Variants in OR51B5 observed in about 807,000 individuals in gnomAD.
OR51B5 encodes olfactory receptor 51B5.
For synonymous variants in OR51B5, 186 were observed against 144.8 expected (o/e 1.28, Z -2.04); for missense variants, 456 against 374.6 (o/e 1.22, Z -1.79).
chr11:5,454,518 G>C, intron 1 of OR51B5: 1 of 1,110,442 alleles, frequency 9.0e-7, no homozygotes, highest in Middle Eastern at 2.1e-4. Flanking sequence ...AAGATAGATT[G>C]TGTGCTGCGG....
chr11:5,438,205 T>C (rs1003929507), intron 1 of OR51B5, among the ~76,000 whole-genome samples: 1 of 152,132 alleles, frequency 6.6e-6, no homozygotes, highest in Non-Finnish European at 1.5e-5. Flanking sequence ...GAAGTCATGA[T>C]GTAAAATGAC....
intron 1 of OR51B5, among the ~76,000 whole-genome samples, chr11:5,435,382 G>A (rs1850578686): frequency 2.0e-5 from 3 of 152,074 alleles, no homozygotes. Context: ...CATGGAATAT[G>A]TTATTTTCTT....
chr11:5,473,871 G>C, intron 1 of OR51B5, among the ~76,000 whole-genome samples: 1 of 151,944 alleles, frequency 6.6e-6, no homozygotes, highest in East Asian at 1.9e-4. Context: ...GTGTGTGTGT[G>C]TGTGTGTGTA....
chr11:5,401,092 A>T (rs1282220307), intron 1 of OR51B5, among the ~76,000 whole-genome samples: 1 of 152,170 alleles, frequency 6.6e-6, no homozygotes, highest in East Asian at 1.9e-4. Context: ...TGACCTAGAC[A>T]ATGCTTATCT....
chr11:5,472,957 C>T (rs1161869878), intron 1 of OR51B5, among the ~76,000 whole-genome samples: 9 of 152,302 alleles, frequency 5.9e-5, no homozygotes, highest in African/African-American at 1.7e-4. Context: ...CTGAAAGTCC[C>T]GCATTAGGAG....
chr11:5,353,273 A>ATCTCTG (rs1849131953), intron 1 of OR51B5, among the ~76,000 whole-genome samples: 2 of 152,208 alleles, frequency 1.3e-5, no homozygotes, highest in Non-Finnish European at 2.9e-5. Context: ...TATTGATAAT[A>ATCTCTG]ATTTGAAAAC....
intron 1 of OR51B5, among the ~76,000 whole-genome samples, chr11:5,428,546 C>T (rs2133766503): frequency 6.7e-6 from 1 of 149,642 alleles, no homozygotes; most frequent in East Asian, 1.9e-4. Context: ...ATGATCCATG[C>T]TTATATATAG....
chr11:5,363,350 T>TCA (rs1849315643), intron 1 of OR51B5, among the ~76,000 whole-genome samples: 2 of 31,714 alleles, frequency 6.3e-5, no homozygotes, highest in South Asian at 1.1e-3. Flanking sequence ...ACAGTTTTTT[T>TCA]TGGTTTTTGT....
At chr11:5,462,101 GA>G (rs1024217345) in intron 1 of OR51B5, among the ~76,000 whole-genome samples, 30 of 152,250 alleles carry the variant, frequency 2.0e-4, no homozygotes, top group African/African-American at 7.2e-4. Context: ...AAGGTGTGTG[GA>G]AAAAATATGT....
chr11:5,367,866 G>T (rs1047573226), intron 1 of OR51B5, among the ~76,000 whole-genome samples: 42 of 151,974 alleles, frequency 2.8e-4, no homozygotes, highest in Non-Finnish European at 1.9e-4. Flanking sequence ...TTTTTCACTT[G>T]TGCTTTCTGC....
intron 1 of OR51B5, among the ~76,000 whole-genome samples, chr11:5,360,694 A>T (rs9971605): frequency 0.36 from 54,386 of 151,458 alleles, 10,173 homozygotes; most frequent in Non-Finnish European, 0.4. Flanking sequence ...ATGCACATGT[A>T]TGTTTATTGT....
chr11:5,447,338 T>C (rs958996535), intron 1 of OR51B5, among the ~76,000 whole-genome samples: 1 of 152,164 alleles, frequency 6.6e-6, no homozygotes. Context: ...ACAGAGTCTC[T>C]AGTGTGAGCT....
At chr11:5,399,067 A>G (rs960170900) in intron 1 of OR51B5, among the ~76,000 whole-genome samples, 1 of 152,202 alleles carries the variant, frequency 6.6e-6, no homozygotes, top group African/African-American at 2.4e-5. Flanking sequence ...TGTCTGGCAG[A>G]AGGAGAGGAA....
chr11:5,430,629 C>T, intron 1 of OR51B5: 1 of 429,542 alleles, frequency 2.3e-6, no homozygotes, highest in East Asian at 7.1e-5. Flanking sequence ...AATTTAATGA[C>T]AGTTCCTGAC....
chr11:5,428,280 A>G (rs1162354844), intron 1 of OR51B5, among the ~76,000 whole-genome samples: 1 of 151,606 alleles, frequency 6.6e-6, no homozygotes, highest in African/African-American at 2.4e-5. Flanking sequence ...TGCAAAAAAA[A>G]GAGTCATACT....
intron 1 of OR51B5, among the ~76,000 whole-genome samples, chr11:5,373,552 G>C (rs1849475326): frequency 6.6e-6 from 1 of 152,112 alleles, no homozygotes; most frequent in Non-Finnish European, 1.5e-5. Context: ...AAGCACAAGG[G>C]GTCATGGAGT....
intron 1 of OR51B5, among the ~76,000 whole-genome samples, chr11:5,451,141 A>G (rs10742679): frequency 0.47 from 71,197 of 152,024 alleles, 16,952 homozygotes; most frequent in Non-Finnish European, 0.5. Context: ...TTTCTTTCTC[A>G]GTATTACTTT....
At position 5,398,125 on chromosome 11, in the gene OR51B5, A is replaced by T. The variant is rs542076073; in HGVS notation, n.85-51215T>A. ...TAAATGGTGAGTTAATGGGTGCAGC[A>T]CACCAACATGGCACATGTATACATA... On this transcript the variant is annotated intron_variant and non_coding_transcript_variant, in intron 1 of 4. Coordinates refer to the OR51B5 transcript ENST00000415970. Among the ~76,000 whole-genome samples, 71 of 152,342 alleles carry T rather than the reference A, an allele frequency of 4.7e-4. 3 individuals carry two copies. In the South Asian group the frequency reaches 0.014, roughly 29 times the overall value.
intron 1 of OR51B5, among the ~76,000 whole-genome samples, chr11:5,368,292 C>T (rs1849402759): frequency 6.6e-6 from 1 of 152,176 alleles, no homozygotes; most frequent in Non-Finnish European, 1.5e-5. Context: ...CACTTATTGG[C>T]TGCGTACCCT....
Sources: allele counts gnomAD v4.1 joint callset (sites outside exome capture counted in the v4.1 genomes callset), GRCh38; gene constraint gnomAD v4.1.1; transcripts MANE v1.5; gene names NCBI Gene and HGNC (gene_info 2026-07-23, HGNC 2026-07-21).